Variants in SRPK2 observed in about 807,000 individuals in gnomAD.
SRPK2 encodes SFRS protein kinase 2.
A neutral mutation model predicts 90.8 loss-of-function variants in SRPK2; 21 were observed. The ratio of observed to expected loss-of-function variants is 0.23; its 90% CI spans 0.16 to 0.33. The LOEUF (loss-of-function observed/expected upper bound fraction) is 0.33, where lower values mean the gene tolerates loss of function less well. SRPK2 is among the 10% of genes least tolerant of loss of function. The pLI is 1.00. For missense variants in SRPK2, 620 were observed against 869.0 expected (o/e 0.71, Z 3.60); for synonymous variants, 288 against 311.1 (o/e 0.93, Z 0.78).
At chr7:105,137,205 A>T (rs1802971471) in intron 11 of SRPK2, among the ~76,000 whole-genome samples, 1 of 152,208 alleles carries the variant, frequency 6.6e-6, no homozygotes, top group African/African-American at 2.4e-5. Flanking sequence ...TTTAGAAAGA[A>T]GCCAGTGTGA....
At chr7:105,358,615 G>A (rs927472661) in intron 2 of SRPK2, among the ~76,000 whole-genome samples, 2 of 151,964 alleles carry the variant, frequency 1.3e-5, no homozygotes, top group African/African-American at 4.8e-5. Flanking sequence ...GAGCCCGGGA[G>A]GCAAAGGTTG....
At chr7:105,162,115 C>G (rs1807748223) in intron 6 of SRPK2, among the ~76,000 whole-genome samples, 1 of 152,180 alleles carries the variant, frequency 6.6e-6, no homozygotes, top group Non-Finnish European at 1.5e-5. Flanking sequence ...GATCTCAGCT[C>G]ACTGCAACCT....
At chr7:105,247,727 AAG>A in intron 2 of SRPK2, among the ~76,000 whole-genome samples, 1 of 152,006 alleles carries the variant, frequency 6.6e-6, no homozygotes, top group Non-Finnish European at 1.5e-5. Context: ...TTTTAAAAAA[AAG>A]TTTTTTATTT....
At chr7:105,157,722 A>C (rs1312864844) in intron 7 of SRPK2, among the ~76,000 whole-genome samples, 1 of 152,196 alleles carries the variant, frequency 6.6e-6, no homozygotes, top group Non-Finnish European at 1.5e-5. Flanking sequence ...CTAAAGAAAT[A>C]ATATAAGAGC....
In SRPK2 at chr7:105,233,149, A is replaced by G. The variant is rs142931052; in HGVS notation, c.72-29364T>C. Among the ~76,000 whole-genome samples, 217 of 147,418 alleles carry G rather than the reference A, an allele frequency of 1.5e-3. 1 individual carries two copies. The highest frequency in any genetic ancestry group is 5.3e-3 in the African/African-American group (210 of 39,742). The stretch of plus-strand genomic sequence containing the variant: ...GAAGGAAGGAAGGAAGGAAGGAAGG[A>G]AGGGGAAAGGGAAGGAAGGAGTTTA... On this transcript the variant is annotated intron_variant, in intron 2 of 15. Transcript: ENST00000393651.
At chr7:105,244,749 T>G (rs1801355501) in intron 2 of SRPK2, 4 of 1,055,334 alleles carry the variant, frequency 3.8e-6, no homozygotes, top group Non-Finnish European at 2.9e-6. Context: ...CGCGGGCGTC[T>G]GACCAAACAC....
At chr7:105,275,715 A>G (rs1806395724) in intron 2 of SRPK2, among the ~76,000 whole-genome samples, 1 of 152,166 alleles carries the variant, frequency 6.6e-6, no homozygotes, top group Non-Finnish European at 1.5e-5. Flanking sequence ...TCTACTCAAA[A>G]TGATGTCCCA....
intron 9 of SRPK2, 44 bp from the exon 10 acceptor site, chr7:105,143,374 G>A: frequency 2.5e-6 from 4 of 1,587,296 alleles, no homozygotes; most frequent in Non-Finnish European, 3.4e-6. Flanking sequence ...TCTTTTTAAA[G>A]CACCACGATA....
chr7:105,399,134 A>T (rs1349062653), intron 1 of SRPK2: 1 of 152,228 alleles, frequency 6.6e-6, no homozygotes, highest in Non-Finnish European at 1.5e-5. Context: ...TAGCTTAAAA[A>T]AATAAACATT....
rs532420806 is a variant in SRPK2, at chr7:105,145,578, C to T, written c.788-270G>A. Among the ~76,000 whole-genome samples the T allele has an allele frequency of 3.3e-5, 5 of 152,214 alleles. No homozygotes were observed. In the East Asian group the frequency reaches 9.6e-4, roughly 29 times the overall value. ...ATGAAATACTAATACATCTCAAACA[C>T]AGTCAAGCTCAAGCACCAACAGATC... On this transcript the variant is annotated intron_variant, in intron 8 of 15. Coordinates refer to ENST00000393651, the MANE Select transcript of SRPK2 (RefSeq NM_182692.3).
At chr7:105,165,276 G>C (rs1016266980) in intron 6 of SRPK2, among the ~76,000 whole-genome samples, 2 of 152,172 alleles carry the variant, frequency 1.3e-5, no homozygotes, top group African/African-American at 2.4e-5. Flanking sequence ...ACATAACTTA[G>C]TAGCATGGTC....
chr7:105,326,320 A>T (rs757130158), intron 2 of SRPK2, among the ~76,000 whole-genome samples: 5 of 152,210 alleles, frequency 3.3e-5, no homozygotes, highest in African/African-American at 4.8e-5. Context: ...GGCCAGAGTG[A>T]CTTTTTAAAA....
intron 2 of SRPK2, among the ~76,000 whole-genome samples, chr7:105,208,897 G>A (rs1231117504): frequency 1.3e-5 from 2 of 152,134 alleles, no homozygotes; most frequent in African/African-American, 2.4e-5. Flanking sequence ...TGAGGCAGGA[G>A]GATCGCTTGA....
intron 2 of SRPK2, among the ~76,000 whole-genome samples, chr7:105,357,707 G>A (rs1475266179): frequency 1.3e-5 from 2 of 151,858 alleles, no homozygotes; most frequent in Non-Finnish European, 2.9e-5. Flanking sequence ...TCACACCATT[G>A]CACTCCAGCC....
At chr7:105,243,270 C>A (rs1801062698) in intron 2 of SRPK2, among the ~76,000 whole-genome samples, 1 of 152,180 alleles carries the variant, frequency 6.6e-6, no homozygotes, top group South Asian at 2.1e-4. Context: ...TCCCAAAGTG[C>A]AGGGATTACT....
chr7:105,158,813 T>G (rs775795297), intron 7 of SRPK2, among the ~76,000 whole-genome samples: 3 of 125,554 alleles, frequency 2.4e-5, no homozygotes, highest in Non-Finnish European at 3.4e-5. Context: ...TTTTTTTGTG[T>G]TTTTTTTTTT....
chr7:105,285,667 GATTGTTTA>G (rs1191448111), intron 2 of SRPK2, among the ~76,000 whole-genome samples: 4 of 152,054 alleles, frequency 2.6e-5, no homozygotes. Context: ...CATGAGATCT[GATTGTTTA>G]AAAGTATCTG....
intron 2 of SRPK2, among the ~76,000 whole-genome samples, chr7:105,346,322 A>G (rs1816450822): frequency 6.6e-6 from 1 of 152,144 alleles, no homozygotes; most frequent in South Asian, 2.1e-4. Context: ...AGGATTCTGC[A>G]CTTAACTGAT....
rs956180033 is a variant in SRPK2, at chr7:105,288,819, A to G, written c.72-85034T>C. Among the ~76,000 whole-genome samples, 9 of 152,242 alleles carry G rather than the reference A, an allele frequency of 5.9e-5. 1 individual carries two copies. Among genetic ancestry groups the G allele is most frequent in the African/African-American group, 2.2e-4 (9 of 41,528 alleles). On this transcript the variant is annotated intron_variant, in intron 2 of 15. Transcript: ENST00000393651. ...CCTGGACCATGCAGAGGAGGAAGAC[A>G]TGTGCTAAAGAAACTGGAGCCAAAT...
Sources: gnomAD v4.1 joint callset for allele counts (sites outside exome capture counted in the v4.1 genomes callset) on GRCh38, gnomAD v4.1.1 for gene constraint, MANE v1.5 for transcripts, NCBI Gene and HGNC (gene_info 2026-07-23, HGNC 2026-07-21) for gene names.